The following PAIP2 variants were observed in gnomAD, a reference collection of about 807,000 sequenced individuals.
PAIP2 encodes the protein polyadenylate-binding protein-interacting protein 2.
A neutral mutation model predicts 14.8 loss-of-function variants in PAIP2; 7 were observed. The observed-to-expected ratio is 0.47, with a 90% CI of 0.27 to 0.89. The LOEUF (loss-of-function observed/expected upper bound fraction) is 0.89. PAIP2 is among the 40% of genes least tolerant of loss of function. PAIP2 has a pLI of 0.13. For synonymous variants in PAIP2, 47 were observed against 45.3 expected (o/e 1.04, Z -0.15); for missense variants, 122 against 154.7 (o/e 0.79, Z 1.12).
intron 1 of PAIP2, among the ~76,000 whole-genome samples, chr5:139,359,989 T>C (rs1561962439): frequency 6.6e-6 from 1 of 152,086 alleles, no homozygotes; most frequent in East Asian, 1.9e-4. Context: ...TTTTTTGAGA[T>C]GTAGTCGCGC....
chr5:139,353,144 C>A (rs902320047), intron 1 of PAIP2, among the ~76,000 whole-genome samples: 3 of 151,724 alleles, frequency 2.0e-5, no homozygotes, highest in African/African-American at 7.3e-5. Flanking sequence ...TATAGTCAGC[C>A]TCTCAGTTTT....
At chr5:139,361,502 T>C (rs560597739) in intron 1 of PAIP2, among the ~76,000 whole-genome samples, 2 of 152,288 alleles carry the variant, frequency 1.3e-5, no homozygotes, top group South Asian at 2.1e-4. Flanking sequence ...TTTAGTGATT[T>C]CAAACTTAAT....
rs1445866658 is a variant in PAIP2 at position 139,369,372 on chromosome 5, A to C, written c.*574A>C. The C allele has an allele frequency of 6.5e-6, 1 of 152,808 alleles. No individual in the cohort carries two copies. The highest frequency in any genetic ancestry group is 2.4e-5 in the African/African-American group (1 of 41,474). 9.5% of individuals were successfully genotyped at this position (152,808 alleles called of 1,614,324 possible). A position where few individuals can be genotyped will look rare whatever the true frequency, so the allele number is the denominator to read the frequency against. ...TAGAAATATTGAGTTCTAATGTTAC[A>C]TCTGAGGAAGTATGTAATTTGAGAA... On this transcript the variant is annotated 3_prime_UTR_variant, in exon 4 of 4. Coordinates refer to ENST00000265192, the MANE Select transcript of PAIP2 (RefSeq NM_016480.5).
At chr5:139,363,943 T>G in intron 2 of PAIP2, 21 bp downstream of exon 2, 2 of 1,607,858 alleles carry the variant, frequency 1.2e-6, no homozygotes, top group Non-Finnish European at 1.7e-6. Flanking sequence ...TGTACAAACA[T>G]GTTTTTATAG....
intron 1 of PAIP2, among the ~76,000 whole-genome samples, chr5:139,352,488 G>GTTTTTTTTTGTTTTTTTTTTTTTTT (rs1756764252): frequency 1.1e-5 from 1 of 94,824 alleles, no homozygotes; most frequent in African/African-American, 3.2e-5. Context: ...ATTCCTGCCA[G>GTTTTTTTTTGTTTTTTTTTTTTTTT]TTTTTTTTTT....
In PAIP2 at chr5:139,359,040, G is replaced by A. The variant is rs966612374; in HGVS notation, c.-26-4719G>A. 5.3e-5 allele frequency among the ~76,000 whole-genome samples: 8 copies of A among 152,128 alleles called. 1 individual carries two copies. The South Asian group carries it at 8.3e-4, about 16-fold the overall frequency. On this transcript the variant is annotated intron_variant, in intron 1 of 3. Transcript: ENST00000265192. ...CCCAGGCTGGAATGCAGTGGCGTGC[G>A]ATCATGGCTCTCTGCAGCCTTGACC... is the stretch of plus-strand genomic sequence containing the variant.
intron 1 of PAIP2, among the ~76,000 whole-genome samples, chr5:139,344,808 A>G (rs1756487726): frequency 6.6e-6 from 1 of 152,150 alleles, no homozygotes; most frequent in African/African-American, 2.4e-5. Flanking sequence ...TCACCTCTGT[A>G]GATTTAAGAT....
chr5:139,364,283 G>A (rs1757153948), intron 2 of PAIP2, among the ~76,000 whole-genome samples: 1 of 152,148 alleles, frequency 6.6e-6, no homozygotes, highest in Admixed American at 6.6e-5. Context: ...GGAGTCAGGA[G>A]CAGACAGGCA....
chr5:139,358,653 A>G (rs965617638), intron 1 of PAIP2, among the ~76,000 whole-genome samples: 2 of 152,234 alleles, frequency 1.3e-5, no homozygotes, highest in South Asian at 2.1e-4. Flanking sequence ...GTGTATCTCT[A>G]TACAATGGAA....
In PAIP2 at chr5:139,348,659, G is replaced by A. The variant is rs1386933541; in HGVS notation, c.-27+6679G>A. 1.0e-4 allele frequency among the ~76,000 whole-genome samples: 14 copies of A among 137,822 alleles called. No homozygotes were observed. The East Asian group carries it at 2.9e-3, about 29-fold the overall frequency. 90.4% of individuals were successfully genotyped at this position (137,822 alleles called of 152,430 possible). ...GGCGTGAGCCACTGTGCCTGGCCAC[G>A]CCCAGCTAATCTTTGTATCTTTTTT... On this transcript the variant is annotated intron_variant, in intron 1 of 3. Transcript: ENST00000265192.
At chr5:139,357,604 G>A (rs1396525143) in intron 1 of PAIP2, among the ~76,000 whole-genome samples, 2 of 152,090 alleles carry the variant, frequency 1.3e-5, no homozygotes, top group South Asian at 2.1e-4. Flanking sequence ...AGGCTGAAGC[G>A]GGCGGATCAC....
intron 1 of PAIP2, among the ~76,000 whole-genome samples, chr5:139,359,339 A>T (rs1406528622): frequency 2.0e-5 from 3 of 151,872 alleles, no homozygotes; most frequent in Admixed American, 6.6e-5. Context: ...GGGTTTCGCC[A>T]TGTTGGCCAG....
At chr5:139,354,213 T>G (rs150820369) in intron 1 of PAIP2, among the ~76,000 whole-genome samples, 198 of 152,348 alleles carry the variant, frequency 1.3e-3, no homozygotes, top group African/African-American at 4.6e-3. Flanking sequence ...ACAGGTCTAC[T>G]AGTGACAAAC....
chr5:139,343,926 C>T (rs1361337535), intron 1 of PAIP2, among the ~76,000 whole-genome samples: 11 of 152,078 alleles, frequency 7.2e-5, no homozygotes. Context: ...CCGTGTTAGC[C>T]AGGATGGTCT....
chr5:139,352,172 A>G (rs1374687978), intron 1 of PAIP2, among the ~76,000 whole-genome samples: 1 of 149,874 alleles, frequency 6.7e-6, no homozygotes. Context: ...AAAATCTGAA[A>G]AAAAAAAAAA....
At chr5:139,366,396 G>A (rs1220612572) in intron 3 of PAIP2, among the ~76,000 whole-genome samples, 3 of 152,040 alleles carry the variant, frequency 2.0e-5, no homozygotes, top group African/African-American at 7.2e-5. Flanking sequence ...TTTTTTAAAA[G>A]TACTACAGAG....
chr5:139,342,864 T>C (rs575494998), intron 1 of PAIP2: 1 of 152,246 alleles, frequency 6.6e-6, no homozygotes, highest in African/African-American at 2.4e-5. Context: ...TTGGCACCCG[T>C]ATCAACTCAT....
intron 1 of PAIP2, among the ~76,000 whole-genome samples, chr5:139,349,129 G>T (rs758929433): frequency 6.6e-6 from 1 of 152,240 alleles, no homozygotes; most frequent in Non-Finnish European, 1.5e-5. Flanking sequence ...GAGGGAAGAA[G>T]TGTGTAAGTA....
chr5:139,347,390 C>T (rs909270117), intron 1 of PAIP2, among the ~76,000 whole-genome samples: 1 of 151,216 alleles, frequency 6.6e-6, no homozygotes, highest in Non-Finnish European at 1.5e-5. Flanking sequence ...TCTCCTGCCT[C>T]AGCCTCCTGA....
Sources: allele counts gnomAD v4.1 joint callset (sites outside exome capture counted in the v4.1 genomes callset), GRCh38; gene constraint gnomAD v4.1.1; transcripts MANE v1.5; gene names NCBI Gene and HGNC (gene_info 2026-07-23, HGNC 2026-07-21).